SVIL: variants seen among roughly 807,000 people sequenced by gnomAD.
SVIL encodes supervillin.
A neutral mutation model predicts 240.4 loss-of-function variants in SVIL; 101 were observed. The ratio of observed to expected loss-of-function variants is 0.42; its 90% CI spans 0.36 to 0.50. The LOEUF is 0.50. Among genes scored for constraint, SVIL ranks in the 20% least tolerant of loss-of-function variants. The pLI is 0.01. For synonymous variants in SVIL, 999 were observed against 1,100.0 expected (o/e 0.91, Z 1.82); for missense variants, 2,512 against 2,818.7 (o/e 0.89, Z 2.46).
At chr10:29,673,843 T>C (rs1959995842) in intron 2 of SVIL, among the ~76,000 whole-genome samples, 1 of 152,136 alleles carries the variant, frequency 6.6e-6, no homozygotes, top group African/African-American at 2.4e-5. Flanking sequence ...AGTACAGGGT[T>C]AACATTTCAA....
chr10:29,516,518 C>G (rs1465484947), intron 16 of SVIL, among the ~76,000 whole-genome samples: 3 of 152,214 alleles, frequency 2.0e-5, no homozygotes, highest in Non-Finnish European at 4.4e-5. Flanking sequence ...CGGCTCACCG[C>G]AGACCACCAG....
At chr10:29,553,118 C>CT (rs4018662) in intron 5 of SVIL, among the ~76,000 whole-genome samples, 7,426 of 135,484 alleles carry the variant, frequency 0.055, 534 homozygotes, top group African/African-American at 0.17. Context: ...CAAGCCCAGC[C>CT]TTTTTTTTTT....
chr10:29,644,677 AGAAAGAAAGAAAGAGG>A (rs1469191448), intron 3 of SVIL, among the ~76,000 whole-genome samples: 1 of 152,164 alleles, frequency 6.6e-6, no homozygotes. Flanking sequence ...CCTGAAAGAA[AGAAAGAAAGAAAGAGG>A]GAAAGAAAGA....
chr10:29,648,395 C>T (rs1261014754), intron 3 of SVIL, among the ~76,000 whole-genome samples: 1 of 152,208 alleles, frequency 6.6e-6, no homozygotes, highest in Non-Finnish European at 1.5e-5. Flanking sequence ...AAGTTATTTG[C>T]ACAGATCCAC....
chr10:29,616,221 G>A (rs1230187264), intron 1 of SVIL, among the ~76,000 whole-genome samples: 1 of 152,138 alleles, frequency 6.6e-6, no homozygotes. Flanking sequence ...TATTTTAGTA[G>A]AGGCAGGGTT....
In SVIL at chr10:29,561,773, GATTA is replaced by G. The variant is rs1212430581; in HGVS notation, c.-51+1424_-51+1427del. 5.9e-5 allele frequency among the ~76,000 whole-genome samples: 9 copies of G among 152,224 alleles called. No homozygotes were observed. The East Asian group carries it at 1.7e-3, about 29-fold the overall frequency. On this transcript the variant is annotated intron_variant, in intron 3 of 37. Coordinates refer to ENST00000355867, the MANE Select transcript of SVIL (RefSeq NM_021738.3). ...CACCTCATTTCCAGGTACCGTGAAC[GATTA>G]ATTTTCTTTTTGATATGAAATCTCA...
At position 29,507,662 on chromosome 10, in the gene SVIL, C is replaced by A. The variant is rs1346631761; in HGVS notation, c.3516+5073G>T. ...GAAATGCACCAAATAAGTTATTTCC[C>A]AAAATTAAAACAGAAGTTCTTTTCC... On this transcript the variant is annotated intron_variant, in intron 17 of 37. Coordinates refer to ENST00000355867, the MANE Select transcript of SVIL (RefSeq NM_021738.3). The A allele has an allele frequency of 1.6e-5, 12 of 750,782 alleles. No individual in the cohort carries two copies. The South Asian group carries it at 6.1e-4, about 38-fold the overall frequency. The allele number at this position is 750,782 out of a possible 1,614,324, so 46.5% of individuals were successfully genotyped here.
chr10:29,691,954 A>C (rs1208522714), intron 1 of SVIL, among the ~76,000 whole-genome samples: 2 of 152,228 alleles, frequency 1.3e-5, no homozygotes, highest in Non-Finnish European at 2.9e-5. Flanking sequence ...CTGGAATGAA[A>C]TTAGCACCCA....
intron 3 of SVIL, among the ~76,000 whole-genome samples, chr10:29,556,533 G>A (rs1224840666): frequency 1.3e-5 from 2 of 152,104 alleles, no homozygotes; most frequent in Non-Finnish European, 2.9e-5. Context: ...TTAAGTGATA[G>A]CCACCTTAAA....
At chr10:29,679,793 C>G (rs1403669580) in intron 2 of SVIL, among the ~76,000 whole-genome samples, 4 of 151,260 alleles carry the variant, frequency 2.6e-5, no homozygotes. Context: ...TCCACCTTTA[C>G]AGAAGTTCGT....
At chr10:29,541,313 A>G (rs565532350) in intron 6 of SVIL, among the ~76,000 whole-genome samples, 1 of 152,204 alleles carries the variant, frequency 6.6e-6, no homozygotes, top group Non-Finnish European at 1.5e-5. Context: ...TGCGGTCAAG[A>G]ATCAATTCTG....
At chr10:29,517,293 G>A (rs766418589) in intron 16 of SVIL, among the ~76,000 whole-genome samples, 2 of 152,118 alleles carry the variant, frequency 1.3e-5, no homozygotes, top group Non-Finnish European at 2.9e-5. Context: ...GAGCATGGTG[G>A]TGTGTGCCTG....
At chr10:29,613,918 T>C (rs556609223) in intron 1 of SVIL, among the ~76,000 whole-genome samples, 2 of 152,324 alleles carry the variant, frequency 1.3e-5, no homozygotes, top group East Asian at 3.9e-4. Context: ...AACTCATCAG[T>C]AAGAAAGTTT....
intron 2 of SVIL, among the ~76,000 whole-genome samples, chr10:29,671,635 G>A (rs1193916908): frequency 2.0e-5 from 3 of 152,210 alleles, no homozygotes; most frequent in African/African-American, 7.2e-5. Context: ...CTTTCCAGAA[G>A]ACAGCAGGAT....
In SVIL at chr10:29,527,032, A is replaced by G; in HGVS notation, c.2271T>C (p.Ser757=). Residue 757 remains serine, a synonymous_variant, in exon 13 of 38, where the codon TCT becomes TCC. Transcript: ENST00000355867. ...AATEPIPASC[S]GGTHPVMARL... ...TCGCCATTACAGGGTGGGTGCCCCC[A>G]GAACACGAAGCGGGGATAGGTTCAC... 3.1e-6 allele frequency: 5 copies of G among 1,613,970 alleles called. No individual in the cohort carries two copies. The highest frequency in any genetic ancestry group is 4.2e-6 in the Non-Finnish European group (5 of 1,179,960).
chr10:29,550,548 G>T (rs933891041), intron 6 of SVIL, 49 bp downstream of exon 6: 3 of 1,496,112 alleles, frequency 2.0e-6, no homozygotes, highest in African/African-American at 2.8e-5. Context: ...GAGGCAAAAA[G>T]AAGGTATTGT....
rs564600998 is a variant in SVIL at position 29,577,703 on chromosome 10, A to G, written c.-200-8391T>C. Among the ~76,000 whole-genome samples, 26 of 152,336 alleles carry G rather than the reference A, an allele frequency of 1.7e-4. No individual in the cohort carries two copies. The South Asian group carries it at 4.6e-3, about 27-fold the overall frequency. ...CTTTTCCTTTGGGTAGATACCCAGT[A>G]GTGGGATTGCTGGATTAAATGGTAG... is the stretch of plus-strand genomic sequence containing the variant. On this transcript the variant is annotated intron_variant, in intron 1 of 37. Transcript: ENST00000355867.
intron 21 of SVIL, 85 bp from the exon 22 acceptor site, chr10:29,491,104 T>G: frequency 1.4e-6 from 2 of 1,411,796 alleles, no homozygotes; most frequent in East Asian, 5.1e-5. Context: ...CACAAAGTAT[T>G]TCCTGATTTT....
At chr10:29,608,336 G>C (rs1320776214) in intron 1 of SVIL, among the ~76,000 whole-genome samples, 2 of 152,244 alleles carry the variant, frequency 1.3e-5, no homozygotes, top group African/African-American at 2.4e-5. Context: ...GCCCATCTGG[G>C]GTGGCTGCTG....
Sources: gnomAD v4.1 joint callset for allele counts (sites outside exome capture counted in the v4.1 genomes callset) on GRCh38, gnomAD v4.1.1 for gene constraint, MANE v1.5 for transcripts, NCBI Gene and HGNC (gene_info 2026-07-23, HGNC 2026-07-21) for gene names.